SLC36A2: variants seen among roughly 807,000 people sequenced by gnomAD.
SLC36A2 encodes the protein proton-coupled amino acid transporter 2.
Under a neutral mutation model 42.7 loss-of-function variants are expected in SLC36A2, and 39 were observed. That is an observed-to-expected ratio of 0.91 (90% CI 0.71 to 1.19). The LOEUF (loss-of-function observed/expected upper bound fraction) is 1.19. Ranked by LOEUF, SLC36A2 falls within the 50% of genes most tolerant of loss-of-function variation. The pLI is 0.00. For synonymous variants in SLC36A2, 237 were observed against 240.8 expected, an observed-to-expected ratio of 0.98 and a Z score of 0.15; for missense variants, 590 against 613.7, an observed-to-expected ratio of 0.96 and a Z score of 0.41.
rs1322857677 is a variant in SLC36A2, at chr5:151,323,285, AAATG to A, written c.1011-1074_1011-1071del. ...TAAATAAATAAATAAATAAATAAAT[AAATG>A]GGTGTGTGTGTGTTTAGCCCATTCC... is the stretch of plus-strand genomic sequence containing the variant. On this transcript the variant is annotated intron_variant, in intron 8 of 9. Transcript: ENST00000335244. Among the ~76,000 whole-genome samples, 5 of 151,414 alleles carry A rather than the reference AAATG, an allele frequency of 3.3e-5. No homozygotes were observed. The East Asian group carries it at 9.8e-4, about 30-fold the overall frequency.
chr5:151,339,249 C>T, intron 4 of SLC36A2, 105 bp from the exon 5 acceptor site: 2 of 768,680 alleles, frequency 2.6e-6, no homozygotes, highest in African/African-American at 1.7e-5. Context: ...ATTGGTTGCC[C>T]TGTACCAGCA....
At chr5:151,342,165 T>G (rs1245017912) in intron 4 of SLC36A2, among the ~76,000 whole-genome samples, 2 of 152,236 alleles carry the variant, frequency 1.3e-5, no homozygotes, top group Admixed American at 6.5e-5. Flanking sequence ...AAATAGAGTC[T>G]TCGTTTCAGA....
chr5:151,342,824 C>T lies in SLC36A2; in HGVS notation c.440+64G>A, dbSNP rs1756384407. On this transcript the variant is annotated intron_variant, in intron 4 of 9. Coordinates refer to ENST00000335244, the MANE Select transcript of SLC36A2 (RefSeq NM_181776.3). ...ACCACCTTTCCAGGGAAGAAGTCACCCTGATAGCAGCATTTTCTCCTCCTG... is the reference window on the plus strand; with the variant it reads ...ACCACCTTTCCAGGGAAGAAGTCACTCTGATAGCAGCATTTTCTCCTCCTG... 12 of 1,404,178 alleles carry T rather than the reference C, an allele frequency of 8.5e-6. No homozygotes were observed. The South Asian group carries it at 1.3e-4, about 15-fold the overall frequency. 87.0% of individuals were successfully genotyped at this position (1,404,178 alleles called of 1,614,324 possible).
At chr5:151,346,156 A>G (rs1336140664) in intron 1 of SLC36A2, among the ~76,000 whole-genome samples, 2 of 152,184 alleles carry the variant, frequency 1.3e-5, no homozygotes, top group African/African-American at 4.8e-5. Context: ...TCAGTTCAGG[A>G]CACAAGAGAC....
Position 151,342,988 on chromosome 5 carries a change from A to T in SLC36A2, c.345-5T>A. The T allele has an allele frequency of 6.2e-7, 1 of 1,611,644 alleles. No homozygotes were observed. The highest frequency in any genetic ancestry group is 8.5e-7 in the Non-Finnish European group (1 of 1,177,752). On this transcript the variant is annotated splice_region_variant and splice_polypyrimidine_tract_variant and intron_variant, in intron 3 of 9. Coordinates refer to ENST00000335244, the MANE Select transcript of SLC36A2 (RefSeq NM_181776.3). ...TCCATAAAGGGCTTGTTAAGCCTGC[A>T]GGAGAGAGTGCATAAACGGTTTCCA... is the stretch of plus-strand genomic sequence containing the variant.
In SLC36A2 at chr5:151,343,050, C is replaced by A. The variant is rs548072998; in HGVS notation, c.345-67G>T. 2.0e-5 allele frequency: 25 copies of A among 1,277,536 alleles called. No individual in the cohort carries two copies. The East Asian group carries it at 4.0e-4, about 20-fold the overall frequency. 79.1% of individuals were successfully genotyped at this position (1,277,536 alleles called of 1,614,324 possible). On this transcript the variant is annotated intron_variant, in intron 3 of 9. Coordinates refer to ENST00000335244, the MANE Select transcript of SLC36A2 (RefSeq NM_181776.3). ...AGCCTAAACTCACATGGTCAAAAGTCAGGAGACACAGAACAAGGCAGGACA... is the reference window on the plus strand; with the variant it reads ...AGCCTAAACTCACATGGTCAAAAGTAAGGAGACACAGAACAAGGCAGGACA...
intron 9 of SLC36A2, among the ~76,000 whole-genome samples, chr5:151,320,002 T>G (rs1408379979): frequency 6.6e-6 from 1 of 152,244 alleles, no homozygotes; most frequent in Non-Finnish European, 1.5e-5. Context: ...CGTAGAAATT[T>G]AATGGGTATA....
intron 1 of SLC36A2, among the ~76,000 whole-genome samples, 176 bp from the exon 2 acceptor site, chr5:151,344,443 C>G (rs1019742223): frequency 1.7e-4 from 26 of 152,280 alleles, no homozygotes; most frequent in African/African-American, 6.3e-4. Context: ...CCCAGTTTGC[C>G]CAGAACTGTC....
rs185122066 is a variant in SLC36A2, at chr5:151,343,851, A to T, written c.256-253T>A. ...AGTAGGGGGACAGAGAATCCTGACCATGTGTGCCCTTTGTGGCCCCTGAAA... is the reference window on the plus strand; with the variant it reads ...AGTAGGGGGACAGAGAATCCTGACCTTGTGTGCCCTTTGTGGCCCCTGAAA... On this transcript the variant is annotated intron_variant, in intron 2 of 9. Transcript: ENST00000335244. Among the ~76,000 whole-genome samples, 3 of 152,174 alleles carry T rather than the reference A, an allele frequency of 2.0e-5. No individual in the cohort carries two copies. The East Asian group carries it at 5.8e-4, about 29-fold the overall frequency.
chr5:151,344,212 C>T lies in SLC36A2; in HGVS notation c.220G>A (p.Gly74Arg), dbSNP rs1469497203. ...VKGNMGTGIL[G>R]LPLAVKNAGI... ...GCGTTCTTCACAGCGAGGGGTAGTC[C>T]CAGGATCCCTGTGCCCATGTTGCCT... The change falls in exon 2 of 10, where the codon GGA becomes AGA. Residue 74 changes from glycine (G) to arginine (R), a missense_variant. Gly to Arg is a moderately radical substitution (Grantham distance 125). Transcript: ENST00000335244. 7.4e-6 allele frequency: 12 copies of T among 1,614,162 alleles called. No individual in the cohort carries two copies. The highest frequency in any genetic ancestry group is 1.0e-5 in the Non-Finnish European group (12 of 1,180,014).
At chr5:151,318,177 G>T (rs1179928671) in intron 9 of SLC36A2, among the ~76,000 whole-genome samples, 1 of 152,008 alleles carries the variant, frequency 6.6e-6, no homozygotes, top group African/African-American at 2.4e-5. Flanking sequence ...TTTTGTTCAG[G>T]CATTTTTAGC....
chr5:151,324,287 T>TCTCATG (rs1377772759), intron 8 of SLC36A2, among the ~76,000 whole-genome samples: 1 of 151,238 alleles, frequency 6.6e-6, no homozygotes, highest in Non-Finnish European at 1.5e-5. Context: ...AGACTATAGG[T>TCTCATG]GTGTGCCACC....
At chr5:151,341,173 G>A (rs1561661434) in intron 4 of SLC36A2, among the ~76,000 whole-genome samples, 2 of 152,228 alleles carry the variant, frequency 1.3e-5, no homozygotes, top group South Asian at 4.1e-4. Flanking sequence ...AGTAATTAAT[G>A]AAAGAAGATC....
intron 7 of SLC36A2, among the ~76,000 whole-genome samples, chr5:151,332,146 C>T (rs756567902): frequency 5.9e-5 from 9 of 151,910 alleles, no homozygotes; most frequent in East Asian, 1.9e-4. Flanking sequence ...AGATTACCGA[C>T]GTGAACCACC....
At chr5:151,341,036 A>G (rs923409936) in intron 4 of SLC36A2, among the ~76,000 whole-genome samples, 11 of 152,176 alleles carry the variant, frequency 7.2e-5, no homozygotes, top group Non-Finnish European at 1.5e-4. Flanking sequence ...TCTGGGGTAC[A>G]TATGCAGAAT....
intron 7 of SLC36A2, among the ~76,000 whole-genome samples, chr5:151,329,154 G>A (rs1474657037): frequency 1.3e-5 from 2 of 152,218 alleles, no homozygotes; most frequent in African/African-American, 4.8e-5. Flanking sequence ...TCAAAGCAAA[G>A]GCTTTGAAAA....
rs111393736 is a variant in SLC36A2 at position 151,342,950 on chromosome 5, C to T, written c.378G>A (p.Thr126=). Residue 126 remains threonine (T), a synonymous_variant, in exon 4 of 10, where the codon ACG becomes ACA. Coordinates refer to ENST00000335244, the MANE Select transcript of SLC36A2 (RefSeq NM_181776.3). The stretch of plus-strand genomic sequence containing the variant: ...GGTTGGCTTCTAGTCCATGCATCAC[C>T]GTGTCCCCATAGTCCATAAAGGGCT... The part of the protein sequence containing the change: ...LNKPFMDYGD[T]VMHGLEANPN... 1.8e-4 allele frequency: 288 copies of T among 1,614,066 alleles called. 1 individual carries two copies. The highest frequency in any genetic ancestry group is 3.1e-4 in the African/African-American group (23 of 75,042).
chr5:151,318,462 T>A (rs1755573334), intron 9 of SLC36A2, among the ~76,000 whole-genome samples: 1 of 138,270 alleles, frequency 7.2e-6, no homozygotes, highest in East Asian at 2.0e-4. Flanking sequence ...ATTTATTTTA[T>A]ATATAAATAA....
At chr5:151,334,621 G>A (rs971273947) in intron 6 of SLC36A2, among the ~76,000 whole-genome samples, 2 of 152,152 alleles carry the variant, frequency 1.3e-5, no homozygotes, top group African/African-American at 2.4e-5. Flanking sequence ...AACCCGGGAG[G>A]CAGAGGCTGC....
Sources: gnomAD v4.1 joint callset for allele counts (sites outside exome capture counted in the v4.1 genomes callset) on GRCh38, gnomAD v4.1.1 for gene constraint, MANE v1.5 for transcripts, NCBI Gene and HGNC (gene_info 2026-07-23, HGNC 2026-07-21) for gene names.